The following CHD6 variants were observed in gnomAD, a reference collection of about 807,000 sequenced individuals.
CHD6 encodes the protein ATP-dependent chromatin remodeler CHD6.
A neutral mutation model predicts 276.9 loss-of-function variants in CHD6; 50 were observed. That is an observed-to-expected ratio of 0.18 (90% CI 0.14 to 0.23). The LOEUF (loss-of-function observed/expected upper bound fraction) is 0.23, where lower values mean the gene tolerates loss of function less well. Among genes scored for constraint, CHD6 ranks in the 10% least tolerant of loss-of-function variants. The pLI is 1.00. For missense variants in CHD6, 2,564 were observed against 3,365.8 expected, an observed-to-expected ratio of 0.76 and a Z score of 5.89; for synonymous variants, 1,173 against 1,229.3, an observed-to-expected ratio of 0.95 and a Z score of 0.96.
In CHD6 at chr20:41,440,279, A is replaced by G. The variant is rs183280983; in HGVS notation, c.3878-150T>C. 2.9e-4 allele frequency: 208 copies of G among 721,860 alleles called. No individual in the cohort carries two copies. The East Asian group carries it at 5.6e-3, about 19-fold the overall frequency. The allele number at this position is 721,860 out of a possible 1,614,324, so 44.7% of individuals were successfully genotyped here. On this transcript the variant is annotated intron_variant, in intron 25 of 36. Transcript: ENST00000373233. Reference sequence around the variant, plus strand: ...AAGATTAATGAGATCCTATAAGACTATCAGGGAAAAATCCTGGTGCTAAAG... The same window carrying G: ...AAGATTAATGAGATCCTATAAGACTGTCAGGGAAAAATCCTGGTGCTAAAG...
chr20:41,514,696 G>T, intron 4 of CHD6, 109 bp downstream of exon 4: 1 of 1,288,528 alleles, frequency 7.8e-7, no homozygotes, highest in South Asian at 1.5e-5. Context: ...GCCCAGCCCA[G>T]GGCTAGGGAG....
At chr20:41,476,077 G>T (rs966826601) in intron 16 of CHD6, among the ~76,000 whole-genome samples, 2 of 152,106 alleles carry the variant, frequency 1.3e-5, no homozygotes, top group African/African-American at 4.8e-5. Context: ...TCATTCCTGT[G>T]TGAGAGTCTG....
At chr20:41,485,837 TTGAA>T (rs2043399916) in intron 14 of CHD6, 1 of 152,180 alleles carries the variant, frequency 6.6e-6, no homozygotes, top group South Asian at 2.1e-4. Context: ...AGAGTGGATT[TTGAA>T]TGTTCTCACA....
intron 17 of CHD6, among the ~76,000 whole-genome samples, chr20:41,462,259 G>A (rs2042819485): frequency 6.6e-6 from 1 of 152,066 alleles, no homozygotes; most frequent in Non-Finnish European, 1.5e-5. Flanking sequence ...CTTTAATCAT[G>A]TTGAAAAACT....
chr20:41,421,791 T>C lies in CHD6; in HGVS notation c.4844A>G (p.Tyr1615Cys). 1 of 1,614,186 alleles carries C rather than the reference T, an allele frequency of 6.2e-7. No individual in the cohort carries two copies. The highest frequency in any genetic ancestry group is 8.5e-7 in the Non-Finnish European group (1 of 1,180,040). ...GGTGCCAGATCTTTTATGCTGGGCA[T>C]AGTTTCTATAGGCATCCAGGAAGGA... ...QLSFLDAYRN[Y>C]AQHKRSGTQA... The change falls in exon 31 of 37, where the codon TAT (tyrosine) becomes TGT (cysteine). Residue 1615 changes from tyrosine (Y) to cysteine (C), a missense_variant. Around this residue, in one of 7 missense-constraint regions of CHD6, gnomAD observed 1,024 missense variants for 1,047.9 expected, o/e 0.98. Transcript: ENST00000373233.
At chr20:41,563,076 G>A (rs1008005829) in intron 1 of CHD6, among the ~76,000 whole-genome samples, 45 of 152,174 alleles carry the variant, frequency 3.0e-4, no homozygotes, top group Admixed American at 2.6e-4. Flanking sequence ...AACATTCAAC[G>A]AATTAATTTT....
intron 30 of CHD6, 106 bp downstream of exon 30, chr20:41,423,386 C>T (rs2145483944): frequency 9.7e-7 from 1 of 1,032,422 alleles, no homozygotes; most frequent in South Asian, 1.4e-5. Context: ...CTAAATTCCT[C>T]ATGTAGACTC....
At chr20:41,494,059 G>C (rs192678800) in intron 8 of CHD6, 115 bp from the exon 9 acceptor site, 1 of 674,924 alleles carries the variant, frequency 1.5e-6, no homozygotes, top group Non-Finnish European at 2.6e-6. Context: ...AACACAAAAA[G>C]AAAGGGTTTG....
intron 2 of CHD6, among the ~76,000 whole-genome samples, chr20:41,545,088 G>A (rs879675529): frequency 6.6e-5 from 10 of 152,072 alleles, no homozygotes; most frequent in Non-Finnish European, 1.2e-4. Flanking sequence ...CAACTTCTCC[G>A]GATGTCCTTC....
chr20:41,547,680 G>T (rs2045069142), intron 2 of CHD6: 2 of 726,702 alleles, frequency 2.8e-6, no homozygotes, highest in Non-Finnish European at 4.6e-6. Flanking sequence ...AGCCCTCAAG[G>T]AACCACCAAT....
At chr20:41,571,516 C>A (rs761141472) in intron 1 of CHD6, among the ~76,000 whole-genome samples, 85 of 151,712 alleles carry the variant, frequency 5.6e-4, no homozygotes, top group Middle Eastern at 3.4e-3. Context: ...CTCAGCCTTC[C>A]GAGTAGCTGG....
At chr20:41,583,038 G>A (rs2045557203) in intron 1 of CHD6, among the ~76,000 whole-genome samples, 1 of 152,134 alleles carries the variant, frequency 6.6e-6, no homozygotes, top group Non-Finnish European at 1.5e-5. Flanking sequence ...AGTCCCAGAT[G>A]GCAGAAGGGG....
At chr20:41,474,179 G>C (rs2043120845) in intron 16 of CHD6, among the ~76,000 whole-genome samples, 1 of 152,156 alleles carries the variant, frequency 6.6e-6, no homozygotes, top group Admixed American at 6.5e-5. Flanking sequence ...AGGAACTGAT[G>C]AATAGTTAGA....
At chr20:41,418,111 G>A (rs939252594) in intron 31 of CHD6, among the ~76,000 whole-genome samples, 5 of 152,158 alleles carry the variant, frequency 3.3e-5, no homozygotes, top group Non-Finnish European at 5.9e-5. Flanking sequence ...GTCTCCTAGG[G>A]AGCTGCAGCG....
chr20:41,412,124 C>CA lies in CHD6; in HGVS notation c.7251+19dup, dbSNP rs759903532. ...AGGATGCTCCTCCTGGCCCCACACT[C>CA]ACGTGGCCTTCTTCCTTACCCTCAG... On this transcript the variant is annotated intron_variant, in intron 36 of 36. Coordinates refer to ENST00000373233, the MANE Select transcript of CHD6 (RefSeq NM_032221.5). 2.0e-5 allele frequency: 33 copies of CA among 1,613,576 alleles called. No homozygotes were observed. The highest frequency in any genetic ancestry group is 2.8e-5 in the Non-Finnish European group (33 of 1,179,858).
Position 41,450,916 on chromosome 20 carries a change from C to A in CHD6, c.3683+30G>T, listed in dbSNP as rs200948853. On this transcript the variant is annotated intron_variant, in intron 23 of 36. Coordinates refer to ENST00000373233, the MANE Select transcript of CHD6 (RefSeq NM_032221.5). ...ATCGAAGCAGTCTGAGCCGGGCTGCCACCAGGGTATGGGGAGGAGGGACAC... is the reference window on the plus strand; with the variant it reads ...ATCGAAGCAGTCTGAGCCGGGCTGCAACCAGGGTATGGGGAGGAGGGACAC... 1.6e-3 allele frequency: 2,568 copies of A among 1,593,050 alleles called. 3 individuals are homozygous for A. The highest frequency in any genetic ancestry group is 2.0e-3 in the Non-Finnish European group (2,358 of 1,165,892).
chr20:41,556,259 AGGGAGACCGTG>A (rs1299230809), intron 1 of CHD6, among the ~76,000 whole-genome samples: 1 of 144,334 alleles, frequency 6.9e-6, no homozygotes, highest in African/African-American at 2.6e-5. Context: ...GGAGAGGGAG[AGGGAGACCGTG>A]GGGAGACGGG....
intron 1 of CHD6, among the ~76,000 whole-genome samples, chr20:41,564,494 C>T (rs545896678): frequency 8.5e-5 from 13 of 152,174 alleles, no homozygotes; most frequent in African/African-American, 2.9e-4. Flanking sequence ...GAACAAAAAA[C>T]ATACCAGTGG....
At chr20:41,550,230 A>C (rs1568695769) in intron 2 of CHD6, among the ~76,000 whole-genome samples, 3 of 152,206 alleles carry the variant, frequency 2.0e-5, no homozygotes, top group Non-Finnish European at 2.9e-5. Flanking sequence ...ACAGCAATTT[A>C]AGCCTTTATA....
Sources: allele counts gnomAD v4.1 joint callset (sites outside exome capture counted in the v4.1 genomes callset), GRCh38; gene constraint gnomAD v4.1.1; regional missense constraint gnomAD v4.1.1; transcripts MANE v1.5; gene names NCBI Gene and HGNC (gene_info 2026-07-23, HGNC 2026-07-21).